CGAS: variants seen among roughly 807,000 people sequenced by gnomAD.
The protein encoded by CGAS is cyclic GMP-AMP synthase.
Under a neutral mutation model 34.0 loss-of-function variants are expected in CGAS, and 31 were observed. The observed-to-expected ratio is 0.91, with a 90% CI of 0.69 to 1.23. CGAS has a LOEUF of 1.23. Among genes scored for constraint, CGAS ranks in the 50% most tolerant of loss-of-function variants. The pLI, the probability that CGAS is intolerant of heterozygous loss-of-function variation, is 0.00. For synonymous variants in CGAS, 266 were observed against 260.0 expected, an observed-to-expected ratio of 1.02 and a Z score of -0.22; for missense variants, 597 against 657.6, an observed-to-expected ratio of 0.91 and a Z score of 1.01.
At chr6:73,440,094 C>T in intron 3 of CGAS, 115 bp downstream of exon 3, 1 of 934,376 alleles carries the variant, frequency 1.1e-6, no homozygotes, top group Non-Finnish European at 1.6e-6. Flanking sequence ...ACCTATTTTG[C>T]CTGATGGCTC....
At position 73,451,511 on chromosome 6, in the gene CGAS, G is replaced by T. The variant is rs1045223708; in HGVS notation, c.657+14C>A. On this transcript the variant is annotated intron_variant, in intron 1 of 4. Transcript: ENST00000370315. ...GAGCAGCGGGGCTCGGCGGGAGGGC[G>T]CCAAGCAGCTCACCTTCACGTGCTC... is the stretch of plus-strand genomic sequence containing the variant. 6.5e-7 allele frequency: 1 copy of T among 1,527,782 alleles called. No homozygotes were observed. Among genetic ancestry groups the T allele is most frequent in the Admixed American group, 2.0e-5 (1 of 49,598 alleles). 94.6% of individuals were successfully genotyped at this position (1,527,782 alleles called of 1,614,324 possible).
intron 1 of CGAS, among the ~76,000 whole-genome samples, chr6:73,446,444 G>T (rs62440614): frequency 1.9e-5 from 1 of 52,758 alleles, no homozygotes; most frequent in Non-Finnish European, 3.5e-5. Context: ...AAAAAAATCG[G>T]GCCGGGCGCG....
intron 2 of CGAS, among the ~76,000 whole-genome samples, chr6:73,444,913 G>C (rs1355126183): frequency 6.6e-6 from 1 of 152,120 alleles, no homozygotes; most frequent in Admixed American, 6.6e-5. Context: ...TTTCTGGATG[G>C]TGCGTCTGGG....
chr6:73,439,506 GA>G (rs971490854), intron 3 of CGAS, among the ~76,000 whole-genome samples: 46 of 145,718 alleles, frequency 3.2e-4, no homozygotes, highest in Admixed American at 1.3e-3. Context: ...AAGAAAGAAA[GA>G]AAAAAAAAAG....
chr6:73,446,093 C>T (rs1770464352), intron 1 of CGAS, among the ~76,000 whole-genome samples: 1 of 151,876 alleles, frequency 6.6e-6, no homozygotes, highest in Non-Finnish European at 1.5e-5. Context: ...CTTTGGGAGG[C>T]CAAGGCGGGC....
chr6:73,433,285 A>C (rs1454781204), intron 3 of CGAS, among the ~76,000 whole-genome samples: 1 of 151,344 alleles, frequency 6.6e-6, no homozygotes, highest in Non-Finnish European at 1.5e-5. Context: ...TAATACAGAC[A>C]GTGTCTTGTT....
At chr6:73,437,509 G>T (rs559202649) in intron 3 of CGAS, among the ~76,000 whole-genome samples, 96 of 152,138 alleles carry the variant, frequency 6.3e-4, no homozygotes, top group African/African-American at 2.2e-3. Context: ...CATGATCATA[G>T]CTCACTACAG....
At position 73,425,380 on chromosome 6, in the gene CGAS, AAGAAAGTAT is replaced by A. The variant is rs780392815; in HGVS notation, c.1407_1415del (p.Tyr470_Leu472del). 1.2e-6 allele frequency: 2 copies of A among 1,613,204 alleles called. No homozygotes were observed. Among genetic ancestry groups the A allele is most frequent in the African/African-American group, 2.7e-5 (2 of 74,864 alleles). ...CAAGTTTTTCTGTCCTGAGGCACTG[AAGAAAGTAT>A]GTCACGCAGTTATCAAAGCAGAGGC... On this transcript the variant is annotated inframe_deletion, in exon 5 of 5. Transcript: ENST00000370315.
chr6:73,446,245 GC>G (rs1770466984), intron 1 of CGAS, among the ~76,000 whole-genome samples: 1 of 150,376 alleles, frequency 6.6e-6, no homozygotes, highest in African/African-American at 2.5e-5. Context: ...CAGGAGAATT[GC>G]TTGAACCTAG....
chr6:73,437,710 T>A (rs908781058), intron 3 of CGAS, among the ~76,000 whole-genome samples: 5 of 152,166 alleles, frequency 3.3e-5, no homozygotes, highest in Admixed American at 2.0e-4. Flanking sequence ...ATAAATTATA[T>A]CCTTGGTAAT....
Position 73,425,065 on chromosome 6 carries a change from G to T in CGAS, c.*162C>A. The stretch of plus-strand genomic sequence containing the variant: ...GATGGAGTTTCACCATGTTGGTCAG[G>T]CTGGTCTCAAACTCCTGACCTCAAG... On this transcript the variant is annotated 3_prime_UTR_variant, in exon 5 of 5. Transcript: ENST00000370315. 4.0e-6 allele frequency: 2 copies of T among 495,106 alleles called. No individual in the cohort carries two copies. The highest frequency in any genetic ancestry group is 3.5e-6 in the Non-Finnish European group (1 of 284,494). 30.7% of individuals were successfully genotyped at this position (495,106 alleles called of 1,614,324 possible).
intron 3 of CGAS, among the ~76,000 whole-genome samples, chr6:73,434,022 C>A (rs1053848227): frequency 1.3e-4 from 20 of 152,130 alleles, no homozygotes; most frequent in African/African-American, 4.8e-4. Flanking sequence ...CTCTCAGACA[C>A]CCTTGGAGAA....
intron 4 of CGAS, among the ~76,000 whole-genome samples, chr6:73,426,668 TATTGAA>T (rs1770094636): frequency 6.6e-6 from 1 of 151,970 alleles, no homozygotes; most frequent in African/African-American, 2.4e-5. Flanking sequence ...TATTTTACTT[TATTGAA>T]CTGCAAATTT....
rs548784904 is a variant in CGAS, at chr6:73,435,802, A to G, written c.1114+4407T>C. 1.3e-3 allele frequency among the ~76,000 whole-genome samples: 200 copies of G among 149,760 alleles called. 1 individual carries two copies. In the South Asian group the frequency reaches 0.022, roughly 16 times the overall value. ...TTAAAAAAAAAAAAAAAAAAAGTGT[A>G]CCTTTTATTTAAAAAGGGGGTAGCA... On this transcript the variant is annotated intron_variant, in intron 3 of 4. Coordinates refer to ENST00000370315, the MANE Select transcript of CGAS (RefSeq NM_138441.3).
chr6:73,441,083 T>C (rs1005488484), intron 2 of CGAS, among the ~76,000 whole-genome samples: 1 of 142,976 alleles, frequency 7.0e-6, no homozygotes, highest in African/African-American at 2.6e-5. Context: ...TTTCTTTTTC[T>C]TTTTTTTTTT....
chr6:73,424,564 T>G lies in CGAS; in HGVS notation c.*663A>C, dbSNP rs6940429. The G allele has an allele frequency of 2.3e-3, 336 of 148,972 alleles. 1 individual carries two copies. Among genetic ancestry groups the G allele is most frequent in the African/African-American group, 8.1e-3 (312 of 38,614 alleles). The allele number at this position is 148,972 out of a possible 1,614,324, so 9.2% of individuals were successfully genotyped here. A position where few individuals can be genotyped will look rare whatever the true frequency, so the allele number is the denominator to read the frequency against. Reference sequence around the variant, plus strand: ...TTTTATTCCAACCTAAAAATGTCATTTATTTATTTATTTGCCTGCATGATA... The same window carrying G: ...TTTTATTCCAACCTAAAAATGTCATGTATTTATTTATTTGCCTGCATGATA... On this transcript the variant is annotated 3_prime_UTR_variant, in exon 5 of 5. Transcript: ENST00000370315.
chr6:73,428,839 G>T, intron 3 of CGAS, 28 bp from the exon 4 acceptor site: 1 of 1,575,808 alleles, frequency 6.3e-7, no homozygotes, highest in Non-Finnish European at 8.7e-7. Flanking sequence ...AAACAAAAAA[G>T]CACTTTACCC....
At chr6:73,429,689 G>C (rs532046781) in intron 3 of CGAS, among the ~76,000 whole-genome samples, 1 of 152,028 alleles carries the variant, frequency 6.6e-6, no homozygotes, top group African/African-American at 2.4e-5. Context: ...AGCCGGGCGT[G>C]GTGGCGGGCG....
At chr6:73,428,952 C>T (rs779689667) in intron 3 of CGAS, 141 bp from the exon 4 acceptor site, 37 of 711,094 alleles carry the variant, frequency 5.2e-5, no homozygotes, top group Non-Finnish European at 4.7e-5. Flanking sequence ...TTTGGGAGGC[C>T]GAGGAGGGTG....
Sources: gnomAD v4.1 joint callset for allele counts (sites outside exome capture counted in the v4.1 genomes callset) on GRCh38, gnomAD v4.1.1 for gene constraint, MANE v1.5 for transcripts, NCBI Gene and HGNC (gene_info 2026-07-23, HGNC 2026-07-21) for gene names.